Variants in NOL11 observed in about 807,000 individuals in gnomAD.
NOL11 encodes nucleolar protein 11.
Under a neutral mutation model 93.0 loss-of-function variants are expected in NOL11, and 42 were observed. The ratio of observed to expected loss-of-function variants is 0.45; its 90% CI spans 0.35 to 0.58. NOL11 has a LOEUF of 0.58. Among genes scored for constraint, NOL11 ranks in the 20% least tolerant of loss-of-function variants. The probability of loss-of-function intolerance (pLI) is 0.00; values close to 1 mark genes in which losing one functional copy is unlikely to be tolerated. For missense variants in NOL11, 775 were observed against 841.8 expected, an observed-to-expected ratio of 0.92 and a Z score of 0.98; for synonymous variants, 296 against 293.7, an observed-to-expected ratio of 1.01 and a Z score of -0.08.
Position 67,744,484 on chromosome 17 carries a change from G to A in NOL11, c.*625G>A, listed in dbSNP as rs1390322947. 1 of 152,222 alleles carries A rather than the reference G, an allele frequency of 6.6e-6. No individual in the cohort carries two copies. Among genetic ancestry groups the A allele is most frequent in the Non-Finnish European group, 1.5e-5 (1 of 68,048 alleles). The allele number at this position is 152,222 out of a possible 1,614,324, so 9.4% of individuals were successfully genotyped here. On this transcript the variant is annotated 3_prime_UTR_variant, in exon 18 of 18. Transcript: ENST00000253247. ...CTGCGTTTTAGGTCAGGCACTGTATGTAAACTTTAGTCACACATGTGGCCG... is the reference window on the plus strand; with the variant it reads ...CTGCGTTTTAGGTCAGGCACTGTATATAAACTTTAGTCACACATGTGGCCG...
intron 6 of NOL11, among the ~76,000 whole-genome samples, chr17:67,724,766 A>T (rs1405165426): frequency 6.6e-6 from 1 of 152,152 alleles, no homozygotes; most frequent in African/African-American, 2.4e-5. Flanking sequence ...ATGTCTTAAA[A>T]TTTACCATAA....
intron 7 of NOL11, among the ~76,000 whole-genome samples, chr17:67,731,226 G>A (rs1036669836): frequency 6.6e-6 from 1 of 151,520 alleles, no homozygotes; most frequent in African/African-American, 2.4e-5. Flanking sequence ...GTCTTCACTT[G>A]GATAATGTCC....
intron 16 of NOL11, among the ~76,000 whole-genome samples, chr17:67,741,587 T>C (rs970103104): frequency 6.6e-6 from 1 of 152,004 alleles, no homozygotes; most frequent in Non-Finnish European, 1.5e-5. Context: ...TTATTTTCTT[T>C]CTGAGACAGA....
At chr17:67,734,524 C>T in intron 8 of NOL11, 85 bp downstream of exon 8, 2 of 795,382 alleles carry the variant, frequency 2.5e-6, no homozygotes, top group Non-Finnish European at 4.3e-6. Context: ...GGGCCTCACT[C>T]TGTTGCCCAG....
At chr17:67,732,384 G>A (rs1171262187) in intron 7 of NOL11, among the ~76,000 whole-genome samples, 1 of 151,150 alleles carries the variant, frequency 6.6e-6, no homozygotes, top group African/African-American at 2.4e-5. Context: ...ACTTGGGGGA[G>A]CAGGGGTGAG....
intron 3 of NOL11, among the ~76,000 whole-genome samples, chr17:67,720,946 G>T (rs902040665): frequency 2.0e-4 from 30 of 152,248 alleles, no homozygotes; most frequent in East Asian, 1.5e-3. Context: ...AACAGTGGGG[G>T]TTTTTTTGTT....
chr17:67,732,423 G>A (rs550772949), intron 7 of NOL11, among the ~76,000 whole-genome samples: 2 of 150,884 alleles, frequency 1.3e-5, no homozygotes, highest in African/African-American at 2.4e-5. Context: ...CCCGAGAGGT[G>A]GAGGTTGCGG....
chr17:67,734,515 G>A, intron 8 of NOL11, 76 bp downstream of exon 8: 1 of 880,926 alleles, frequency 1.1e-6, no homozygotes, highest in Non-Finnish European at 1.9e-6. Context: ...TTTGAGATGG[G>A]GCCTCACTCT....
At chr17:67,725,871 G>A (rs569391591) in intron 6 of NOL11, among the ~76,000 whole-genome samples, 2 of 152,274 alleles carry the variant, frequency 1.3e-5, no homozygotes, top group Non-Finnish European at 2.9e-5. Flanking sequence ...TTTGAGCCCA[G>A]GAGTTGGAGA....
At chr17:67,726,095 A>G (rs1481697879) in intron 6 of NOL11, among the ~76,000 whole-genome samples, 1 of 152,158 alleles carries the variant, frequency 6.6e-6, no homozygotes, top group African/African-American at 2.4e-5. Flanking sequence ...CAAAAAAACA[A>G]ACAAGAAAGA....
intron 9 of NOL11, 185 bp from the exon 10 acceptor site, chr17:67,736,481 G>A (rs1013750545): frequency 1.9e-5 from 10 of 539,578 alleles, no homozygotes; most frequent in Admixed American, 3.5e-5. Context: ...TTAGCTTAAC[G>A]TTGTTGGACA....
Position 67,729,421 on chromosome 17 carries a change from C to T in NOL11, c.853+2773C>T, listed in dbSNP as rs549826106. 1.1e-4 allele frequency among the ~76,000 whole-genome samples: 16 copies of T among 151,040 alleles called. No homozygotes were observed. The South Asian group carries it at 2.9e-3, about 28-fold the overall frequency. ...GGCGTGAGCCACTGCACCTGGCCAA[C>T]GTCTTGTTTTAAAACATTTTCATTA... is the stretch of plus-strand genomic sequence containing the variant. On this transcript the variant is annotated intron_variant, in intron 7 of 17. Coordinates refer to ENST00000253247, the MANE Select transcript of NOL11 (RefSeq NM_015462.5).
At position 67,738,043 on chromosome 17, in the gene NOL11, T is replaced by C. The variant is rs2143134730; in HGVS notation, c.1529+71T>C. ...CTGTTACATTATTTGATTTCCAAAATTTTGATGCTTAGGAAATGAAATTTT... is the reference window on the plus strand; with the variant it reads ...CTGTTACATTATTTGATTTCCAAAACTTTGATGCTTAGGAAATGAAATTTT... On this transcript the variant is annotated intron_variant, in intron 13 of 17. Coordinates refer to ENST00000253247, the MANE Select transcript of NOL11 (RefSeq NM_015462.5). The C allele has an allele frequency of 1.9e-6, 3 of 1,554,164 alleles. No homozygotes were observed. In the Admixed American group the frequency reaches 6.1e-5, roughly 32 times the overall value.
intron 7 of NOL11, among the ~76,000 whole-genome samples, chr17:67,729,039 G>A (rs2055125830): frequency 6.6e-6 from 1 of 151,236 alleles, no homozygotes. Flanking sequence ...AGAAATTAAA[G>A]TGAAGGAGTC....
chr17:67,739,431 A>AT lies in NOL11; in HGVS notation c.1843-78dup, dbSNP rs1265271564. 29 of 780,850 alleles carry AT rather than the reference A, an allele frequency of 3.7e-5. No homozygotes were observed. In the South Asian group the frequency reaches 3.9e-4, roughly 10 times the overall value. The allele number at this position is 780,850 out of a possible 1,614,324, so 48.4% of individuals were successfully genotyped here. On this transcript the variant is annotated intron_variant, in intron 15 of 17. Transcript: ENST00000253247. Reference sequence around the variant, plus strand: ...TATTTGTTTGATGTATAAATTGAACATTTTTTTCAATCTTCGTGATGGGTT... The same window carrying AT: ...TATTTGTTTGATGTATAAATTGAACATTTTTTTTCAATCTTCGTGATGGGTT...
At chr17:67,730,279 A>G (rs1232594946) in intron 7 of NOL11, among the ~76,000 whole-genome samples, 2 of 151,604 alleles carry the variant, frequency 1.3e-5, no homozygotes, top group African/African-American at 2.4e-5. Context: ...TTTTTTTGAG[A>G]CAAGAGTCTC....
At chr17:67,730,102 G>A (rs1335130820) in intron 7 of NOL11, among the ~76,000 whole-genome samples, 1 of 152,010 alleles carries the variant, frequency 6.6e-6, no homozygotes, top group African/African-American at 2.4e-5. Flanking sequence ...TCCTTTTCAT[G>A]GTAGAGTAAT....
chr17:67,718,140 A>T, intron 1 of NOL11, 52 bp downstream of exon 1: 1 of 1,590,918 alleles, frequency 6.3e-7, no homozygotes, highest in Non-Finnish European at 8.6e-7. Flanking sequence ...CCCCTTTCTG[A>T]GCGCGGAGCT....
Position 67,736,990 on chromosome 17 carries a change from T to C in NOL11, c.1144-81T>C. 2.1e-6 allele frequency: 2 copies of C among 943,152 alleles called. 1 individual carries two copies. The highest frequency in any genetic ancestry group is 2.8e-5 in the South Asian group (2 of 71,008). 58.4% of individuals were successfully genotyped at this position (943,152 alleles called of 1,614,324 possible). A position where few individuals can be genotyped will look rare whatever the true frequency, so the allele number is the denominator to read the frequency against. On this transcript the variant is annotated intron_variant, in intron 10 of 17. Coordinates refer to ENST00000253247, the MANE Select transcript of NOL11 (RefSeq NM_015462.5). ...TGAGAGCAAAAGTGTGCTAATCTCT[T>C]TGGAGTGTTTCATATCCCTCTAAAT...
Sources: gnomAD v4.1 joint callset for allele counts (sites outside exome capture counted in the v4.1 genomes callset) on GRCh38, gnomAD v4.1.1 for gene constraint, MANE v1.5 for transcripts, NCBI Gene and HGNC (gene_info 2026-07-23, HGNC 2026-07-21) for gene names.